Variants in LRP1 observed in about 807,000 individuals in gnomAD.
The protein encoded by LRP1 is LDL receptor related protein 1.
A neutral mutation model predicts 541.5 loss-of-function variants in LRP1; 51 were observed. The observed-to-expected ratio is 0.09, with a 90% CI of 0.08 to 0.12. LRP1 has a LOEUF of 0.12. Ranked by LOEUF, LRP1 falls within the 10% of genes least tolerant of loss-of-function variation. The pLI is 1.00. For synonymous variants in LRP1, 2,219 were observed against 2,470.8 expected (o/e 0.90, Z 3.02); for missense variants, 3,878 against 6,376.2 (o/e 0.61, Z 13.34).
chr12:57,205,964 TCA>T lies in LRP1; in HGVS notation c.11590+290_11590+291del, dbSNP rs2036769295. 6.6e-6 allele frequency among the ~76,000 whole-genome samples: 1 copy of T among 152,066 alleles called. No individual in the cohort carries two copies. The highest frequency in any genetic ancestry group is 6.6e-5 in the Admixed American group (1 of 15,260). On this transcript the variant is annotated intron_variant, in intron 75 of 88. Coordinates refer to ENST00000243077, the MANE Select transcript of LRP1 (RefSeq NM_002332.3). The surrounding 1 kb of genome is among the most constrained non-coding windows in gnomAD (Gnocchi z 4.6). ...GTACACTCAGACACGCATTGCACACTCACAGTCATGGGGGCCTCACCTGCACA... is the reference window on the plus strand; with the variant it reads ...GTACACTCAGACACGCATTGCACACTCAGTCATGGGGGCCTCACCTGCACA...
Position 57,133,107 on chromosome 12 carries a change from A to G in LRP1, c.67+4076A>G, listed in dbSNP as rs562666310. On this transcript the variant is annotated intron_variant, in intron 1 of 88. Coordinates refer to ENST00000243077, the MANE Select transcript of LRP1 (RefSeq NM_002332.3). ...GGAGGGAGGTTAGACTTCTGGCAGA[A>G]CTTCCTCCTGACCAGGAGCCTAAGA... is the stretch of plus-strand genomic sequence containing the variant. Among the ~76,000 whole-genome samples, 6 of 152,240 alleles carry G rather than the reference A, an allele frequency of 3.9e-5. No individual in the cohort carries two copies. In the South Asian group the frequency reaches 1.2e-3, roughly 32 times the overall value.
intron 2 of LRP1, among the ~76,000 whole-genome samples, chr12:57,140,610 A>G (rs924863836): frequency 6.6e-6 from 1 of 152,202 alleles, no homozygotes; most frequent in Admixed American, 6.5e-5. Context: ...GTGAAGGTCT[A>G]GAAGATTTGG....
intron 6 of LRP1, among the ~76,000 whole-genome samples, chr12:57,150,872 A>G (rs1288228591): frequency 6.6e-6 from 1 of 152,010 alleles, no homozygotes; most frequent in Non-Finnish European, 1.5e-5. Context: ...GTCAGTGTCT[A>G]GGGCCCAGTT....
In LRP1 at chr12:57,173,703, C is replaced by T; in HGVS notation, c.3347-77C>T. On this transcript the variant is annotated intron_variant, in intron 21 of 88. Coordinates refer to ENST00000243077, the MANE Select transcript of LRP1 (RefSeq NM_002332.3). The surrounding 1 kb of genome is among the most constrained non-coding windows in gnomAD (Gnocchi z 4.7). ...TGCAATCCTGACCCTATTAGAGAAG[C>T]CCACAGGGTCTGGAAGGAAGGGCAG... 1.3e-6 allele frequency: 2 copies of T among 1,490,072 alleles called. No individual in the cohort carries two copies. Among genetic ancestry groups the T allele is most frequent in the East Asian group, 2.3e-5 (1 of 44,200 alleles). 92.3% of individuals were successfully genotyped at this position (1,490,072 alleles called of 1,614,324 possible).
rs1565759427 is a variant in LRP1 at position 57,212,285 on chromosome 12, C to T, written c.13494+24C>T. The T allele has an allele frequency of 2.5e-6, 4 of 1,612,036 alleles. No homozygotes were observed. The highest frequency in any genetic ancestry group is 1.3e-5 in the African/African-American group (1 of 74,954). On this transcript the variant is annotated intron_variant, in intron 88 of 88. Coordinates refer to ENST00000243077, the MANE Select transcript of LRP1 (RefSeq NM_002332.3). This position sits in a 1 kb window ranked among gnomAD's most constrained non-coding sequence, Gnocchi z 5.0. ...AGGTGGGCTGGGAGGCGGGCAGGGT[C>T]GAGTGCCAAGAGGCCGTGGGTGGCC...
Position 57,190,922 on chromosome 12 carries a change from C to T in LRP1, c.7149C>T (p.Ala2383=). ...ACATCCGTACCCCCAATGGCCTGGC[C>T]ATCGACCACCGTGCCGAGAAGCTCT... The part of the protein sequence containing the change: ...EKDIRTPNGL[A]IDHRAEKLYF... The change falls in exon 43 of 89, where the codon GCC becomes GCT. Residue 2383 remains alanine (A), a synonymous_variant. Coordinates refer to ENST00000243077, the MANE Select transcript of LRP1 (RefSeq NM_002332.3). 1 of 1,613,566 alleles carries T rather than the reference C, an allele frequency of 6.2e-7. No homozygotes were observed. The highest frequency in any genetic ancestry group is 8.5e-7 in the Non-Finnish European group (1 of 1,180,004).
rs1348662646 is a variant in LRP1 at position 57,165,767 on chromosome 12, G to A, written c.2531-38G>A. The A allele has an allele frequency of 5.6e-6, 9 of 1,599,280 alleles. No individual in the cohort carries two copies. The highest frequency in any genetic ancestry group is 5.0e-5 in the Admixed American group (3 of 59,762). On this transcript the variant is annotated intron_variant, in intron 15 of 88. Coordinates refer to ENST00000243077, the MANE Select transcript of LRP1 (RefSeq NM_002332.3). This position sits in a 1 kb window ranked among gnomAD's most constrained non-coding sequence, Gnocchi z 4.5. ...GCTTAGTACTTGTCCCACGACCGGG[G>A]TCTGACTTTCCCCCTCACGATCCTG...
chr12:57,199,144 G>A, intron 60 of LRP1, 68 bp from the exon 61 acceptor site: 2 of 1,473,008 alleles, frequency 1.4e-6, no homozygotes, highest in Non-Finnish European at 1.9e-6. Flanking sequence ...GCTTGAGGAG[G>A]TGGAGTGGGC....
rs2035985483 is a variant in LRP1, at chr12:57,173,554, C to G, written c.3346+204C>G. ...AAGGGCCAGAGCCTGCACAGAGGACCTGAGAAGCCAAAACCCTACCAGAGT... is the reference window on the plus strand; with the variant it reads ...AAGGGCCAGAGCCTGCACAGAGGACGTGAGAAGCCAAAACCCTACCAGAGT... On this transcript the variant is annotated intron_variant, in intron 21 of 88. Transcript: ENST00000243077. This position sits in a 1 kb window ranked among gnomAD's most constrained non-coding sequence, Gnocchi z 4.7. Among the ~76,000 whole-genome samples, 1 of 152,188 alleles carries G rather than the reference C, an allele frequency of 6.6e-6. No homozygotes were observed. The highest frequency in any genetic ancestry group is 1.5e-5 in the Non-Finnish European group (1 of 68,032).
chr12:57,210,696 C>G (rs957499702), intron 82 of LRP1, 22 bp from the exon 83 acceptor site: 3 of 1,597,940 alleles, frequency 1.9e-6, no homozygotes, highest in Non-Finnish European at 2.6e-6. Context: ...CACAGTCGCG[C>G]TCACACATCC....
intron 67 of LRP1, 126 bp downstream of exon 67, chr12:57,202,031 C>T (rs2036668173): frequency 1.6e-6 from 2 of 1,274,652 alleles, no homozygotes; most frequent in East Asian, 4.8e-5. Context: ...GCTGGGCTTC[C>T]TGGGCCTGCT....
rs763775331 is a variant in LRP1 at position 57,158,450 on chromosome 12, T to C, written c.1610T>C (p.Ile537Thr). The C allele has an allele frequency of 6.2e-7, 1 of 1,613,948 alleles. No homozygotes were observed. The highest frequency in any genetic ancestry group is 8.5e-7 in the Non-Finnish European group (1 of 1,179,816). Reference protein sequence around the residue: ...FLVYGKGRPGIIRGMDMGAKV... With the variant: ...FLVYGKGRPGTIRGMDMGAKV... Reference sequence around the variant, plus strand: ...GTGTATGGCAAGGGCCGGCCAGGCATCATCCGGGGCATGGATATGGGGGCC... The same window carrying C: ...GTGTATGGCAAGGGCCGGCCAGGCACCATCCGGGGCATGGATATGGGGGCC... Residue 537 changes from isoleucine (I) to threonine (T), a missense_variant, in exon 11 of 89, where the codon ATC becomes ACC. Coordinates refer to ENST00000243077, the MANE Select transcript of LRP1 (RefSeq NM_002332.3). The surrounding 1 kb of genome is among the most constrained non-coding windows in gnomAD (Gnocchi z 5.3).
Position 57,169,393 on chromosome 12 carries a change from C to T in LRP1, c.3163+86C>T, listed in dbSNP as rs76176093. On this transcript the variant is annotated intron_variant, in intron 20 of 88. Coordinates refer to ENST00000243077, the MANE Select transcript of LRP1 (RefSeq NM_002332.3). ...CCTATCCATCTGTCTTTCAGACCCA[C>T]GGTGTGTCGGCCACCATCTGGGAGC... 1.1e-4 allele frequency: 139 copies of T among 1,301,072 alleles called. No individual in the cohort carries two copies. In the African/African-American group the frequency reaches 1.8e-3, roughly 17 times the overall value. 80.6% of individuals were successfully genotyped at this position (1,301,072 alleles called of 1,614,324 possible).
rs376696270 is a variant in LRP1, at chr12:57,212,532, G to A, written c.13612G>A (p.Glu4538Lys). ...RELLGRGPED[E>K]IGDPLA ...ACTCCTGGGCCGGGGCCCTGAGGAC[G>A]AGATAGGGGACCCCTTGGCATAGGG... Residue 4538 changes from glutamate (E) to lysine (K), a missense_variant, in exon 89 of 89, where the codon GAG (glutamate) becomes AAG (lysine). Coordinates refer to ENST00000243077, the MANE Select transcript of LRP1 (RefSeq NM_002332.3). The surrounding 1 kb of genome is among the most constrained non-coding windows in gnomAD (Gnocchi z 5.0). 6 of 1,612,094 alleles carry A rather than the reference G, an allele frequency of 3.7e-6. No homozygotes were observed. The highest frequency in any genetic ancestry group is 2.2e-5 in the South Asian group (2 of 90,856).
intron 68 of LRP1, 37 bp from the exon 69 acceptor site, chr12:57,203,144 C>T (rs2036691482): frequency 1.4e-6 from 2 of 1,452,190 alleles, no homozygotes; most frequent in Admixed American, 2.1e-5. Context: ...GTCCTTGTGC[C>T]CACCCTCCTG....
Position 57,193,992 on chromosome 12 carries a change from C to T in LRP1, c.7898C>T (p.Ala2633Val). Residue 2633 changes from alanine (A) to valine (V), a missense_variant, in exon 48 of 89, where the codon GCC becomes GTC. Ala to Val is a moderately conservative substitution (Grantham distance 64). Transcript: ENST00000243077. ...RCNQFVDCEDASDEMNCSATD... is the reference protein window; with the variant it reads ...RCNQFVDCEDVSDEMNCSATD... The stretch of plus-strand genomic sequence containing the variant: ...AACCAGTTTGTGGATTGTGAGGACG[C>T]CTCAGATGAGATGAACTGCAGTGAG... The T allele has an allele frequency of 6.2e-7, 1 of 1,614,198 alleles. No individual in the cohort carries two copies. The highest frequency in any genetic ancestry group is 8.5e-7 in the Non-Finnish European group (1 of 1,180,018).
intron 6 of LRP1, chr12:57,149,708 C>A (rs575848000): frequency 2.7e-6 from 2 of 735,610 alleles, no homozygotes; most frequent in African/African-American, 1.7e-5. Flanking sequence ...CCCAGGAGAA[C>A]GAGGTGACAC....
Position 57,160,994 on chromosome 12 carries a change from C to T in LRP1, c.2081C>T (p.Thr694Ile). The T allele has an allele frequency of 6.2e-7, 1 of 1,614,022 alleles. No individual in the cohort carries two copies. Among genetic ancestry groups the T allele is most frequent in the Non-Finnish European group, 8.5e-7 (1 of 1,180,034 alleles). ...MDGSHRDIFV[T>I]SKTVLWPNGL... ...GGCTCACACCGAGACATCTTTGTCA[C>T]CTCCAAGACAGTGCTTTGGCCCAAT... is the stretch of plus-strand genomic sequence containing the variant. The change falls in exon 13 of 89, where the codon ACC becomes ATC. Residue 694 changes from threonine (T) to isoleucine (I), a missense_variant. By Grantham distance (89) the Thr-to-Ile change is moderately conservative (BLOSUM62 -1). Coordinates refer to ENST00000243077, the MANE Select transcript of LRP1 (RefSeq NM_002332.3).
Position 57,176,844 on chromosome 12 carries a change from G to A in LRP1, c.3992-197G>A, listed in dbSNP as rs35753556. Among the ~76,000 whole-genome samples, 180 of 151,740 alleles carry A rather than the reference G, an allele frequency of 1.2e-3. 2 individuals are homozygous for A. Among genetic ancestry groups the A allele is most frequent in the African/African-American group, 4.1e-3 (168 of 41,306 alleles). ...GATCATGCCACTGCATCCAGCCTTGGTGACAGAAGACCCTGTCTCAAAAAA... is the reference window on the plus strand; with the variant it reads ...GATCATGCCACTGCATCCAGCCTTGATGACAGAAGACCCTGTCTCAAAAAA... On this transcript the variant is annotated intron_variant, in intron 24 of 88. Transcript: ENST00000243077.
Sources: allele counts gnomAD v4.1 joint callset (sites outside exome capture counted in the v4.1 genomes callset), GRCh38; gene constraint gnomAD v4.1.1; non-coding constraint Gnocchi (gnomAD v3.1); transcripts MANE v1.5; gene names NCBI Gene and HGNC (gene_info 2026-07-23, HGNC 2026-07-21).